The following EPS15 variants were observed in gnomAD, a reference collection of about 807,000 sequenced individuals.
EPS15 encodes epidermal growth factor receptor pathway substrate 15.
Under a neutral mutation model 113.8 loss-of-function variants are expected in EPS15, and 72 were observed. That is an observed-to-expected ratio of 0.63 (90% CI 0.52 to 0.77). The LOEUF (loss-of-function observed/expected upper bound fraction) is 0.77. EPS15 is among the 30% of genes least tolerant of loss of function. The probability of loss-of-function intolerance (pLI) is 0.00; values close to 1 mark genes in which losing one functional copy is unlikely to be tolerated. For synonymous variants in EPS15, 344 were observed against 363.4 expected, an observed-to-expected ratio of 0.95 and a Z score of 0.61; for missense variants, 1,048 against 1,045.8, an observed-to-expected ratio of 1.00 and a Z score of -0.03.
intron 5 of EPS15, among the ~76,000 whole-genome samples, chr1:51,467,165 A>C (rs1489390699): frequency 1.3e-5 from 2 of 152,364 alleles, no homozygotes; most frequent in South Asian, 4.1e-4. Context: ...AAGATCTAAA[A>C]GTTTAACCAA....
At chr1:51,360,031 A>T (rs1159246291) in intron 24 of EPS15, among the ~76,000 whole-genome samples, 2 of 152,064 alleles carry the variant, frequency 1.3e-5, no homozygotes, top group Non-Finnish European at 2.9e-5. Context: ...AGGTGCTTAA[A>T]GCACTTTGGC....
chr1:51,396,561 AAAC>A (rs1647966188), intron 20 of EPS15, among the ~76,000 whole-genome samples: 1 of 152,168 alleles, frequency 6.6e-6, no homozygotes, highest in Non-Finnish European at 1.5e-5. Context: ...GCTGTGTTTT[AAAC>A]AACAGCTTGC....
At chr1:51,428,915 A>T (rs1298302940) in intron 12 of EPS15, among the ~76,000 whole-genome samples, 1 of 151,708 alleles carries the variant, frequency 6.6e-6, no homozygotes, top group Non-Finnish European at 1.5e-5. Flanking sequence ...GTCTTTAAAG[A>T]CAGAGTGTCT....
intron 15 of EPS15, 74 bp from the exon 16 acceptor site, chr1:51,406,182 C>T: frequency 1.6e-6 from 2 of 1,257,056 alleles, no homozygotes; most frequent in South Asian, 1.4e-5. Context: ...CGCCCTCCTC[C>T]ACTTCCTGAC....
intron 1 of EPS15, among the ~76,000 whole-genome samples, chr1:51,516,782 T>C (rs931381926): frequency 2.6e-5 from 4 of 152,228 alleles, no homozygotes; most frequent in African/African-American, 9.6e-5. Context: ...GAAATTAACT[T>C]GAGCATGTTT....
At chr1:51,475,917 G>C (rs1655645579) in intron 2 of EPS15, among the ~76,000 whole-genome samples, 1 of 152,124 alleles carries the variant, frequency 6.6e-6, no homozygotes, top group Non-Finnish European at 1.5e-5. Flanking sequence ...AGTTTTCCCA[G>C]CACCATTTAT....
In EPS15 at chr1:51,408,305, T is replaced by C. The variant is rs765744754; in HGVS notation, c.1303A>G (p.Ser435Gly). ...LISSLKAELTSQESQISTYEE... is the reference protein window; with the variant it reads ...LISSLKAELTGQESQISTYEE... ...TAAGTGGAGATCTGCGATTCCTGAC[T>C]AGTTAATTCAGCTTTCAGAGAAGAG... The change falls in exon 15 of 25, where the codon AGT (serine) becomes GGT (glycine). Residue 435 changes from serine (S) to glycine (G), a missense_variant. Physicochemically the swap from Ser to Gly is moderately conservative, Grantham distance 56. Coordinates refer to ENST00000371733, the MANE Select transcript of EPS15 (RefSeq NM_001981.3). The C allele has an allele frequency of 6.2e-7, 1 of 1,613,076 alleles. No individual in the cohort carries two copies. The highest frequency in any genetic ancestry group is 8.5e-7 in the Non-Finnish European group (1 of 1,179,084).
At chr1:51,386,556 G>T (rs905262767) in intron 21 of EPS15, among the ~76,000 whole-genome samples, 18 of 152,172 alleles carry the variant, frequency 1.2e-4, no homozygotes, top group Non-Finnish European at 2.1e-4. Context: ...CAGACCTGCA[G>T]CTGAGGGTCC....
At chr1:51,429,890 AT>A (rs1651564175) in intron 12 of EPS15, among the ~76,000 whole-genome samples, 1 of 152,032 alleles carries the variant, frequency 6.6e-6, no homozygotes, top group Non-Finnish European at 1.5e-5. Flanking sequence ...ACCTCAGGTG[AT>A]CCACCCACCT....
chr1:51,468,422 GT>G (rs746934965), intron 5 of EPS15, 50 bp downstream of exon 5: 2 of 1,207,972 alleles, frequency 1.7e-6, no homozygotes, highest in East Asian at 2.3e-5. Context: ...AAATAACGTG[GT>G]GTCACTTTTT....
At chr1:51,384,332 G>T (rs549067465) in intron 21 of EPS15, among the ~76,000 whole-genome samples, 2 of 132,924 alleles carry the variant, frequency 1.5e-5, no homozygotes, top group South Asian at 4.5e-4. Context: ...ACAGGGTCTG[G>T]TTCTGTCACC....
rs554325592 is a variant in EPS15 at position 51,463,433 on chromosome 1, T to C, written c.501+240A>G. The C allele has an allele frequency of 3.7e-4, 120 of 320,220 alleles. 1 individual carries two copies. Among genetic ancestry groups the C allele is most frequent in the South Asian group, 5.5e-4 (8 of 14,566 alleles). The allele number at this position is 320,220 out of a possible 1,614,324, so 19.8% of individuals were successfully genotyped here. A position where few individuals can be genotyped will look rare whatever the true frequency, so the allele number is the denominator to read the frequency against. On this transcript the variant is annotated intron_variant, in intron 7 of 24. Coordinates refer to ENST00000371733, the MANE Select transcript of EPS15 (RefSeq NM_001981.3). ...GTACAGCACAAACTAAAAAAGGACC[T>C]ACTTAAGGGGCTTACATATGTAATT...
chr1:51,463,776 T>A lies in EPS15; in HGVS notation c.398A>T (p.Asp133Val). 6.2e-7 allele frequency: 1 copy of A among 1,600,380 alleles called. No individual in the cohort carries two copies. The highest frequency in any genetic ancestry group is 8.6e-7 in the Non-Finnish European group (1 of 1,169,318). ...AVKPEDKAKY[D>V]AIFDSLSPVN... ...TGGGCTTAAACTATCAAATATTGCA[T>A]CATATTTGGCCTTATCTTCAGGCTA... Residue 133 changes from aspartate (D) to valine (V), a missense_variant, in exon 7 of 25, where the codon GAT becomes GTT. Coordinates refer to ENST00000371733, the MANE Select transcript of EPS15 (RefSeq NM_001981.3).
intron 18 of EPS15, among the ~76,000 whole-genome samples, chr1:51,401,728 C>T (rs192999726): frequency 4.6e-5 from 7 of 152,340 alleles, no homozygotes; most frequent in Admixed American, 2.6e-4. Context: ...GCAGGCCAGG[C>T]GCAGTGGCTC....
chr1:51,372,909 G>A, intron 21 of EPS15: 1 of 779,028 alleles, frequency 1.3e-6, no homozygotes, highest in Non-Finnish European at 1.9e-6. Flanking sequence ...ACAGCCACAG[G>A]CAAGCTGCCA....
chr1:51,419,070 C>T (rs922904763), intron 13 of EPS15, among the ~76,000 whole-genome samples: 15 of 152,066 alleles, frequency 9.9e-5, no homozygotes, highest in African/African-American at 3.6e-4. Context: ...TGTGAGCCTA[C>T]TTTCTCCCCT....
At chr1:51,430,998 AC>A (rs1254644070) in intron 12 of EPS15, among the ~76,000 whole-genome samples, 12 of 148,406 alleles carry the variant, frequency 8.1e-5, no homozygotes, top group African/African-American at 2.8e-4. Context: ...ACACACACAC[AC>A]ACACACACAC....
rs564001611 is a variant in EPS15 at position 51,503,818 on chromosome 1, C to T, written c.33+15381G>A. Among the ~76,000 whole-genome samples, 6 of 152,206 alleles carry T rather than the reference C, an allele frequency of 3.9e-5. No homozygotes were observed. In the South Asian group the frequency reaches 1.2e-3, roughly 32 times the overall value. On this transcript the variant is annotated intron_variant, in intron 1 of 24. Transcript: ENST00000371733. ...GGTTAACTGATTATTGACAAGAGTG[C>T]CAAGATCATTCAATGTGGAAAGAAT...
At chr1:51,492,416 AT>A (rs1212322347) in intron 1 of EPS15, among the ~76,000 whole-genome samples, 1 of 152,226 alleles carries the variant, frequency 6.6e-6, no homozygotes, top group African/African-American at 2.4e-5. Context: ...AGATAAAAAA[AT>A]ATATTTGCTC....
Sources: gnomAD v4.1 joint callset for allele counts (sites outside exome capture counted in the v4.1 genomes callset) on GRCh38, gnomAD v4.1.1 for gene constraint, MANE v1.5 for transcripts, NCBI Gene and HGNC (gene_info 2026-07-23, HGNC 2026-07-21) for gene names.